The following SNX8 variants were observed in gnomAD, a reference collection of about 807,000 sequenced individuals.
SNX8 encodes the protein sorting nexin 8.
SNX8 carries 25 observed loss-of-function variants against 51.6 expected under a neutral mutation model. The observed-to-expected ratio is 0.48, with a 90% CI of 0.35 to 0.68. SNX8 has a LOEUF of 0.68. SNX8 is among the 30% of genes least tolerant of loss of function. The probability of loss-of-function intolerance (pLI) is 0.00; values close to 1 mark genes in which losing one functional copy is unlikely to be tolerated. For synonymous variants in SNX8, 324 were observed against 277.0 expected (o/e 1.17, Z -1.68); for missense variants, 695 against 624.0 (o/e 1.11, Z -1.21).
intron 5 of SNX8, among the ~76,000 whole-genome samples, chr7:2,268,033 GCCCGGCCAGCCACCCCGT>G (rs1795520020): frequency 6.6e-6 from 1 of 150,700 alleles, no homozygotes; most frequent in African/African-American, 2.5e-5. Flanking sequence ...GAGCGTCTCT[GCCCGGCCAGCCACCCCGT>G]CCGGGAGGGA....
intron 1 of SNX8, among the ~76,000 whole-genome samples, chr7:2,305,356 G>A (rs988625210): frequency 6.6e-6 from 1 of 151,992 alleles, no homozygotes; most frequent in African/African-American, 2.4e-5. Flanking sequence ...CCAACATTTT[G>A]TATTTTTGTT....
chr7:2,307,150 C>T (rs1270394175), intron 1 of SNX8, among the ~76,000 whole-genome samples: 1 of 152,098 alleles, frequency 6.6e-6, no homozygotes, highest in South Asian at 2.1e-4. Flanking sequence ...CAGATCCTCC[C>T]GGAGCTGAAC....
chr7:2,314,125 C>T (rs751312207), intron 1 of SNX8, among the ~76,000 whole-genome samples: 9 of 152,232 alleles, frequency 5.9e-5, no homozygotes, highest in Non-Finnish European at 1.2e-4. Context: ...GGGACGGAGG[C>T]GCGAGAGAGC....
intron 1 of SNX8, among the ~76,000 whole-genome samples, chr7:2,296,208 C>T (rs1796269786): frequency 6.6e-6 from 1 of 150,960 alleles, no homozygotes; most frequent in Non-Finnish European, 1.5e-5. Flanking sequence ...AATCCCTGAG[C>T]ACGGGATGTT....
chr7:2,351,294 ATGCCTGT>A, intron 1 of SNX8, among the ~76,000 whole-genome samples: 1 of 152,160 alleles, frequency 6.6e-6, no homozygotes, highest in Non-Finnish European at 1.5e-5. Flanking sequence ...CTGCTGGCTC[ATGCCTGT>A]AGCACTTTGG....
chr7:2,348,713 G>C (rs889074678), intron 1 of SNX8, among the ~76,000 whole-genome samples: 7 of 151,554 alleles, frequency 4.6e-5, no homozygotes, highest in Admixed American at 4.6e-4. Flanking sequence ...AGCACTCTGA[G>C]AGGCGGGCGG....
chr7:2,303,514 G>C (rs1308774552), intron 1 of SNX8, among the ~76,000 whole-genome samples: 9 of 152,258 alleles, frequency 5.9e-5, no homozygotes, highest in Non-Finnish European at 1.3e-4. Flanking sequence ...GAATAGAAGG[G>C]CGGGAAAGGT....
intron 1 of SNX8, among the ~76,000 whole-genome samples, chr7:2,350,251 A>C (rs1379140847): frequency 6.6e-6 from 1 of 152,194 alleles, no homozygotes; most frequent in African/African-American, 2.4e-5. Flanking sequence ...TGAGGCCTAG[A>C]GACGTTGAGG....
upstream of SNX8, among the ~76,000 whole-genome samples, chr7:2,315,197 C>T (rs1174377092): frequency 6.6e-6 from 1 of 151,694 alleles, no homozygotes. Context: ...ATCCTGCATT[C>T]ATTCATTCAC....
chr7:2,313,202 T>C (rs912849995), intron 1 of SNX8, among the ~76,000 whole-genome samples: 10 of 151,740 alleles, frequency 6.6e-5, no homozygotes, highest in Non-Finnish European at 1.5e-4. Flanking sequence ...CCCAGCCATG[T>C]TTAGCCTCAT....
At chr7:2,263,420 T>C in intron 6 of SNX8, 58 bp from the exon 7 acceptor site, 29 of 1,513,202 alleles carry the variant, frequency 1.9e-5, no homozygotes, top group Non-Finnish European at 2.5e-5. Flanking sequence ...CACCTGGCAG[T>C]CGAGTCTGGC....
At chr7:2,314,294 G>C in intron 1 of SNX8, 34 bp downstream of exon 1, 2 of 1,218,646 alleles carry the variant, frequency 1.6e-6, no homozygotes, top group African/African-American at 1.6e-5. Flanking sequence ...GCGCGCCCTG[G>C]GCAGGTGGGG....
rs545399665 is a variant in SNX8 at position 2,280,304 on chromosome 7, GA to G, written c.95-2000del. On this transcript the variant is annotated intron_variant, in intron 1 of 10. Coordinates refer to ENST00000222990, the MANE Select transcript of SNX8 (RefSeq NM_013321.4). ...TTTAATACAAAGTGAGTTCTAAATA[GA>G]AAAAAAAGTGTTTCTCATTTTTTTT... is the stretch of plus-strand genomic sequence containing the variant. 4.2e-3 allele frequency among the ~76,000 whole-genome samples: 634 copies of G among 151,774 alleles called. 5 individuals are homozygous for G. Among genetic ancestry groups the G allele is most frequent in the African/African-American group, 0.014 (594 of 41,450 alleles).
intron 1 of SNX8, among the ~76,000 whole-genome samples, chr7:2,332,190 G>C (rs1195887194): frequency 1.3e-5 from 2 of 151,586 alleles, no homozygotes; most frequent in East Asian, 3.9e-4. Flanking sequence ...CTGGGTGACA[G>C]AGCCATAGGC....
intron 6 of SNX8, 90 bp downstream of exon 6, chr7:2,264,208 A>G: frequency 7.7e-7 from 1 of 1,296,292 alleles, no homozygotes; most frequent in Middle Eastern, 2.3e-4. Context: ...GCTGGTTATT[A>G]CGGTAAACGC....
In SNX8 at chr7:2,278,281, T is replaced by C. The variant is rs752761649; in HGVS notation, c.119A>G (p.Glu40Gly). ...GACCTGCTGCACGATGGCCTGGGGC[T>C]CGATGGCCTGGGGTGTCGGCAGATC... ...ASDLPTPQAI[E>G]PQAIVQQVPA... is the part of the protein sequence containing the mutation. Residue 40 changes from glutamate (E) to glycine (G), a missense_variant, in exon 2 of 11, where the codon GAG becomes GGG. Coordinates refer to ENST00000222990, the MANE Select transcript of SNX8 (RefSeq NM_013321.4). 7.6e-6 allele frequency: 12 copies of C among 1,586,318 alleles called. No individual in the cohort carries two copies. In the African/African-American group the frequency reaches 1.3e-4, roughly 18 times the overall value.
At chr7:2,317,507 C>A (rs1796776161), upstream of SNX8, among the ~76,000 whole-genome samples, 1 of 151,806 alleles carries the variant, frequency 6.6e-6, no homozygotes, top group East Asian at 1.9e-4. Flanking sequence ...GAACTCCTGA[C>A]CTCAAGTGAT....
intron 6 of SNX8, 77 bp downstream of exon 6, chr7:2,264,220 CT>C (rs934153409): frequency 1.3e-5 from 18 of 1,435,378 alleles, no homozygotes; most frequent in Non-Finnish European, 9.5e-7. Flanking sequence ...GGTAAACGCA[CT>C]TTCCGCCCAA....
chr7:2,254,899 G>GCGCC lies in SNX8; in HGVS notation c.*153_*156dup. On this transcript the variant is annotated 3_prime_UTR_variant, in exon 11 of 11. Coordinates refer to ENST00000222990, the MANE Select transcript of SNX8 (RefSeq NM_013321.4). Reference sequence around the variant, plus strand: ...CCAGCTGCCCCCATGGTCCACGGATGCGCCTCCCGACCCGCAGGCGTGAGC... The same window carrying GCGCC: ...CCAGCTGCCCCCATGGTCCACGGATGCGCCCGCCTCCCGACCCGCAGGCGTGAGC... 3.1e-6 allele frequency: 2 copies of GCGCC among 644,218 alleles called. No individual in the cohort carries two copies. The highest frequency in any genetic ancestry group is 5.5e-5 in the East Asian group (2 of 36,480). 39.9% of individuals were successfully genotyped at this position (644,218 alleles called of 1,614,324 possible). A position where few individuals can be genotyped will look rare whatever the true frequency, so the allele number is the denominator to read the frequency against.
Sources: gnomAD v4.1 joint callset for allele counts (sites outside exome capture counted in the v4.1 genomes callset) on GRCh38, gnomAD v4.1.1 for gene constraint, MANE v1.5 for transcripts, NCBI Gene and HGNC (gene_info 2026-07-23, HGNC 2026-07-21) for gene names.